CATSPER2: variants seen among roughly 807,000 people sequenced by gnomAD.
CATSPER2 encodes the protein cation channel sperm associated 2.
A neutral mutation model predicts 68.8 loss-of-function variants in CATSPER2; 56 were observed. That is an observed-to-expected ratio of 0.81 (90% CI 0.66 to 1.02). The LOEUF is 1.02. Ranked by LOEUF, CATSPER2 falls within the 50% of genes least tolerant of loss-of-function variation. CATSPER2 has a pLI of 0.00. For missense variants in CATSPER2, 582 were observed against 642.0 expected (o/e 0.91, Z 1.01); for synonymous variants, 198 against 229.9 (o/e 0.86, Z 1.26).
intron 4 of CATSPER2, among the ~76,000 whole-genome samples, chr15:43,644,285 A>G (rs1356903245): frequency 6.6e-6 from 1 of 151,984 alleles, no homozygotes; most frequent in African/African-American, 2.4e-5. Flanking sequence ...GTTAATCACA[A>G]ATAATTTCCC....
At chr15:43,631,465 G>C (rs1223711640) in intron 12 of CATSPER2, 3 of 263,256 alleles carry the variant, frequency 1.1e-5, no homozygotes, top group South Asian at 4.6e-5. Flanking sequence ...TCCTGACCTT[G>C]TGATCTGCCC....
chr15:43,636,362 AG>A, intron 7 of CATSPER2, 143 bp from the exon 8 acceptor site: 1 of 1,162,680 alleles, frequency 8.6e-7, no homozygotes, highest in South Asian at 1.4e-5. Flanking sequence ...CTCAGTTTTT[AG>A]CTAATCATTC....
At position 43,648,650 on chromosome 15, in the gene CATSPER2, C is replaced by T; in HGVS notation, c.-24G>A. ...TCACCTCAGCCCAGGTTCTCTTTGC[C>T]CACTCAGTCCTTATTTCACGCTTCC... On this transcript the variant is annotated 5_prime_UTR_variant, in exon 1 of 13. Coordinates refer to ENST00000396879, the MANE Select transcript of CATSPER2 (RefSeq NM_172095.4). 1 of 1,400,740 alleles carries T rather than the reference C, an allele frequency of 7.1e-7. No individual in the cohort carries two copies. Among genetic ancestry groups the T allele is most frequent in the African/African-American group, 1.5e-5 (1 of 66,656 alleles). 86.8% of individuals were successfully genotyped at this position (1,400,740 alleles called of 1,614,324 possible). A position where few individuals can be genotyped will look rare whatever the true frequency, so the allele number is the denominator to read the frequency against.
chr15:43,632,767 G>A lies in CATSPER2; in HGVS notation c.1346C>T (p.Thr449Ile). 1 of 1,613,712 alleles carries A rather than the reference G, an allele frequency of 6.2e-7. No individual in the cohort carries two copies. Among genetic ancestry groups the A allele is most frequent in the South Asian group, 1.1e-5 (1 of 91,044 alleles). ...EYQSSSCVSSTSSSYSSSSES... is the reference protein window; with the variant it reads ...EYQSSSCVSSISSSYSSSSES... ...AGAAGAGGAAGAATAGGAAGAGGAT[G>A]TGGAGGAGACACAGGAGGAAGACTG... Residue 449 changes from threonine to isoleucine, a missense_variant, in exon 11 of 13, where the codon ACA becomes ATA. This residue lies in a region of CATSPER2 where 235 missense variants were observed against 264.2 expected (regional missense o/e 0.89). Coordinates refer to ENST00000396879, the MANE Select transcript of CATSPER2 (RefSeq NM_172095.4).
chr15:43,648,444 CG>C (rs1386516326), intron 1 of CATSPER2, among the ~76,000 whole-genome samples, 184 bp downstream of exon 1: 1 of 151,984 alleles, frequency 6.6e-6, no homozygotes, highest in Non-Finnish European at 1.5e-5. Context: ...CTGAGACAAT[CG>C]GGCAATGAGG....
chr15:43,643,783 T>G (rs1304174875), intron 4 of CATSPER2, among the ~76,000 whole-genome samples: 1 of 152,012 alleles, frequency 6.6e-6, no homozygotes, highest in African/African-American at 2.4e-5. Context: ...TAAAAGTCAA[T>G]GTAAAAAATT....
intron 2 of CATSPER2, 122 bp downstream of exon 2, chr15:43,647,795 G>T: frequency 9.0e-7 from 1 of 1,105,114 alleles, no homozygotes; most frequent in Non-Finnish European, 1.4e-6. Flanking sequence ...TTATTTACAA[G>T]CCCTTGATTT....
intron 1 of CATSPER2, 30 bp downstream of exon 1, chr15:43,648,599 C>T (rs2086217551): frequency 1.4e-6 from 2 of 1,381,052 alleles, no homozygotes; most frequent in Non-Finnish European, 9.3e-7. Flanking sequence ...CTAGCTCCTT[C>T]TCTCCTCCAT....
intron 6 of CATSPER2, among the ~76,000 whole-genome samples, chr15:43,639,251 T>TA (rs1567129724): frequency 8.4e-5 from 12 of 142,976 alleles, no homozygotes; most frequent in African/African-American, 2.2e-4. Context: ...TTTCATATAT[T>TA]TTTTTTTTTT....
intron 7 of CATSPER2, among the ~76,000 whole-genome samples, chr15:43,636,675 G>A (rs2085970587): frequency 6.6e-6 from 1 of 151,702 alleles, no homozygotes; most frequent in South Asian, 2.1e-4. Flanking sequence ...ATAGGTGTGA[G>A]CCACCGCACC....
intron 12 of CATSPER2, chr15:43,631,485 TC>T: frequency 3.3e-6 from 1 of 298,634 alleles, no homozygotes. Flanking sequence ...CGCCTCGGCC[TC>T]CCAAAGTGCT....
At chr15:43,635,958 C>T in intron 8 of CATSPER2, 83 bp downstream of exon 8, 2 of 1,209,022 alleles carry the variant, frequency 1.7e-6, no homozygotes, top group East Asian at 2.5e-5. Flanking sequence ...GTTCTTTATA[C>T]CCATAAGCCA....
intron 4 of CATSPER2, among the ~76,000 whole-genome samples, chr15:43,643,466 A>T (rs1273288642): frequency 6.6e-6 from 1 of 151,500 alleles, no homozygotes; most frequent in African/African-American, 2.4e-5. Context: ...GCCTCCGGAG[A>T]AACTGGGACC....
At chr15:43,633,381 A>G (rs2085909349) in intron 10 of CATSPER2, 1 of 216,706 alleles carries the variant, frequency 4.6e-6, no homozygotes, top group African/African-American at 2.3e-5. Flanking sequence ...CTACAATGGC[A>G]CCCATAACCC....
Position 43,638,931 on chromosome 15 carries a change from T to G in CATSPER2, c.815A>C (p.Gln272Pro). 6.2e-7 allele frequency: 1 copy of G among 1,613,230 alleles called. No homozygotes were observed. The highest frequency in any genetic ancestry group is 2.2e-5 in the East Asian group (1 of 44,838). The change falls in exon 7 of 13, where the codon CAG becomes CCG. Residue 272 changes from glutamine to proline, a missense_variant. By Grantham distance (76) the Gln-to-Pro change is moderately conservative. Transcript: ENST00000396879. The part of the protein sequence containing the change: ...VFSEYTRSPR[Q>P]DLEYHVFFSD... ...GAAGAACACATGGTACTCCAGGTCCTGACGAGGTGAACGGGTGTACTCTGA... is the reference window on the plus strand; with the variant it reads ...GAAGAACACATGGTACTCCAGGTCCGGACGAGGTGAACGGGTGTACTCTGA...
Position 43,635,831 on chromosome 15 carries a change from C to T in CATSPER2, c.1022-5G>A. 1 of 1,611,660 alleles carries T rather than the reference C, an allele frequency of 6.2e-7. No homozygotes were observed. Among genetic ancestry groups the T allele is most frequent in the Non-Finnish European group, 8.5e-7 (1 of 1,178,472 alleles). On this transcript the variant is annotated splice_polypyrimidine_tract_variant and splice_region_variant and intron_variant, in intron 8 of 12. Transcript: ENST00000396879. ...TGATATTCTGAAAGTTAGTAACTGC[C>T]CCAAAGGGCCATTAGGAGCTGGGAG...
Position 43,629,742 on chromosome 15 carries a change from C to T in CATSPER2, c.*959G>A, listed in dbSNP as rs1243245594. 6.6e-6 allele frequency: 1 copy of T among 151,510 alleles called. No individual in the cohort carries two copies. Among genetic ancestry groups the T allele is most frequent in the African/African-American group, 2.4e-5 (1 of 41,090 alleles). 9.4% of individuals were successfully genotyped at this position (151,510 alleles called of 1,614,324 possible). ...TGAAATCCCTTCTAACACTAAAAAC[C>T]TGTACAACACTTACTGATTTGAACA... On this transcript the variant is annotated 3_prime_UTR_variant, in exon 13 of 13. Transcript: ENST00000396879.
In CATSPER2 at chr15:43,638,446, G is replaced by A. The variant is rs906653187; in HGVS notation, c.842+458C>T. The stretch of plus-strand genomic sequence containing the variant: ...TGGGACTACAGGCGCCTGCCACCAC[G>A]GCTGGCTAATTTTTGTATTTTTGGT... On this transcript the variant is annotated intron_variant, in intron 7 of 12. Transcript: ENST00000396879. Among the ~76,000 whole-genome samples the A allele has an allele frequency of 3.6e-4, 54 of 150,616 alleles. 1 individual carries two copies. The highest frequency in any genetic ancestry group is 1.3e-3 in the African/African-American group (53 of 40,904).
At chr15:43,645,178 G>A (rs568399572) in intron 4 of CATSPER2, among the ~76,000 whole-genome samples, 4 of 151,580 alleles carry the variant, frequency 2.6e-5, no homozygotes, top group South Asian at 2.1e-4. Context: ...ACCTCAGCCT[G>A]CTGAGTAGCT....
Sources: allele counts gnomAD v4.1 joint callset (sites outside exome capture counted in the v4.1 genomes callset), GRCh38; gene constraint gnomAD v4.1.1; regional missense constraint gnomAD v4.1.1; transcripts MANE v1.5; gene names NCBI Gene and HGNC (gene_info 2026-07-23, HGNC 2026-07-21).